The following ZNF804B variants were observed in gnomAD, a reference collection of about 807,000 sequenced individuals.
ZNF804B encodes the protein zinc finger protein 804B, also known as zinc finger 804B.
A neutral mutation model predicts 101.4 loss-of-function variants in ZNF804B; 80 were observed. That is an observed-to-expected ratio of 0.79 (90% CI 0.66 to 0.95). The LOEUF is 0.95. Ranked by LOEUF, ZNF804B falls within the 40% of genes least tolerant of loss-of-function variation. ZNF804B has a pLI of 0.00. For missense variants in ZNF804B, 1,673 were observed against 1,561.9 expected (o/e 1.07, Z -1.20); for synonymous variants, 622 against 558.8 (o/e 1.11, Z -1.59).
chr7:88,803,622 A>G (rs939165040), intron 1 of ZNF804B, among the ~76,000 whole-genome samples: 1 of 152,158 alleles, frequency 6.6e-6, no homozygotes, highest in African/African-American at 2.4e-5. Flanking sequence ...AGTTACTGGG[A>G]GGACTAACAT....
At chr7:88,824,447 C>T (rs1791027002) in intron 1 of ZNF804B, among the ~76,000 whole-genome samples, 1 of 152,152 alleles carries the variant, frequency 6.6e-6, no homozygotes, top group African/African-American at 2.4e-5. Flanking sequence ...GAGACCTCCC[C>T]AGCCATGCAG....
At chr7:89,159,510 A>C (rs1791026916) in intron 1 of ZNF804B, among the ~76,000 whole-genome samples, 1 of 152,168 alleles carries the variant, frequency 6.6e-6, no homozygotes, top group African/African-American at 2.4e-5. Flanking sequence ...AGAAGAGAGC[A>C]GGGAGAATTA....
At chr7:89,329,532 C>G (rs1208994009) in intron 3 of ZNF804B, among the ~76,000 whole-genome samples, 6 of 151,438 alleles carry the variant, frequency 4.0e-5, no homozygotes, top group Non-Finnish European at 5.9e-5. Flanking sequence ...CTTCTGTGAC[C>G]CTTTGGGAGA....
At chr7:89,181,915 C>A (rs149879109) in intron 1 of ZNF804B, among the ~76,000 whole-genome samples, 1 of 152,224 alleles carries the variant, frequency 6.6e-6, no homozygotes, top group East Asian at 1.9e-4. Flanking sequence ...AATTTGTGTG[C>A]TAAGAGCAAC....
intron 1 of ZNF804B, among the ~76,000 whole-genome samples, chr7:89,060,132 C>T (rs1391685332): frequency 6.6e-6 from 1 of 152,076 alleles, no homozygotes; most frequent in African/African-American, 2.4e-5. Context: ...CTATCGGCAT[C>T]CCAGGGTCTC....
chr7:88,993,861 A>G (rs534152585), intron 1 of ZNF804B, among the ~76,000 whole-genome samples: 2 of 152,100 alleles, frequency 1.3e-5, no homozygotes, highest in Non-Finnish European at 2.9e-5. Flanking sequence ...AGGAAAAAAG[A>G]TAGAAAATTT....
intron 1 of ZNF804B, among the ~76,000 whole-genome samples, chr7:89,023,443 C>G (rs912420088): frequency 4.6e-5 from 7 of 152,160 alleles, no homozygotes; most frequent in South Asian, 4.1e-4. Context: ...ATACTTTGCT[C>G]TGTTGGTGGT....
At chr7:88,841,186 G>A (rs1177033024) in intron 1 of ZNF804B, among the ~76,000 whole-genome samples, 1 of 152,146 alleles carries the variant, frequency 6.6e-6, no homozygotes, top group Admixed American at 6.6e-5. Flanking sequence ...ACACATAATA[G>A]GAATGTCATT....
chr7:89,243,676 A>G (rs1021884602), intron 2 of ZNF804B, among the ~76,000 whole-genome samples: 4 of 151,864 alleles, frequency 2.6e-5, no homozygotes, highest in Admixed American at 1.3e-4. Flanking sequence ...TTTCTGAAAT[A>G]TTTTCCAGCG....
intron 1 of ZNF804B, among the ~76,000 whole-genome samples, chr7:88,976,448 A>T (rs140428146): frequency 1.3e-5 from 2 of 151,404 alleles, no homozygotes; most frequent in East Asian, 3.9e-4. Flanking sequence ...TAAATTTTCA[A>T]TGTAGAGATT....
chr7:88,792,164 T>A (rs995663084), intron 1 of ZNF804B, among the ~76,000 whole-genome samples: 2 of 152,046 alleles, frequency 1.3e-5, no homozygotes, highest in Non-Finnish European at 2.9e-5. Flanking sequence ...ACTTCTTTTG[T>A]ATTTTATCGG....
chr7:88,951,740 A>G (rs1793226819), intron 1 of ZNF804B, among the ~76,000 whole-genome samples: 1 of 151,822 alleles, frequency 6.6e-6, no homozygotes, highest in Admixed American at 6.6e-5. Context: ...ACACTCACCA[A>G]TTGCACTGAA....
intron 1 of ZNF804B, among the ~76,000 whole-genome samples, chr7:88,892,317 G>GT (rs1253892376): frequency 6.6e-6 from 1 of 151,862 alleles, no homozygotes; most frequent in Non-Finnish European, 1.5e-5. Context: ...GGGAGTATTT[G>GT]TTTTTTGGGT....
intron 2 of ZNF804B, among the ~76,000 whole-genome samples, chr7:89,282,208 A>T (rs1029732220): frequency 1.3e-5 from 2 of 151,598 alleles, no homozygotes; most frequent in East Asian, 3.9e-4. Context: ...CTAAAAAAAA[A>T]AAAAAAAAAA....
intron 1 of ZNF804B, among the ~76,000 whole-genome samples, chr7:88,970,718 CA>C (rs1240588120): frequency 3.8e-4 from 55 of 145,516 alleles, no homozygotes; most frequent in Non-Finnish European, 7.5e-4. Context: ...ATCGCAAGGA[CA>C]AAAAAACCAA....
chr7:88,920,451 A>T (rs1480051805), intron 1 of ZNF804B, among the ~76,000 whole-genome samples: 2 of 152,064 alleles, frequency 1.3e-5, no homozygotes, highest in Admixed American at 1.3e-4. Context: ...TTTCTTCCAT[A>T]ATGTATTAGA....
intron 1 of ZNF804B, among the ~76,000 whole-genome samples, chr7:88,878,456 T>C (rs987617638): frequency 2.0e-5 from 3 of 152,166 alleles, no homozygotes; most frequent in Non-Finnish European, 4.4e-5. Context: ...TACTCAGTAT[T>C]CTCATCTGTA....
intron 1 of ZNF804B, among the ~76,000 whole-genome samples, chr7:88,819,523 T>C (rs1790941948): frequency 6.6e-6 from 1 of 152,160 alleles, no homozygotes; most frequent in African/African-American, 2.4e-5. Flanking sequence ...CACCTCATGA[T>C]AGATCCCACC....
Position 89,171,414 on chromosome 7 carries a change from T to TCTTCTC in ZNF804B, c.109-46717_109-46712dup, listed in dbSNP as rs369036296. On this transcript the variant is annotated intron_variant, in intron 1 of 3. Transcript: ENST00000333190. The stretch of plus-strand genomic sequence containing the variant: ...TTCTTCCTCTTCTTCTTCTTCTTCT[T>TCTTCTC]CTTCTCCTTCTCCTTCTCCTTCTCC... Among the ~76,000 whole-genome samples the TCTTCTC allele has an allele frequency of 6.2e-4, 61 of 97,628 alleles. 1 individual carries two copies. The highest frequency in any genetic ancestry group is 1.4e-3 in the South Asian group (4 of 2,852). The allele number at this position is 97,628 out of a possible 152,430, so 64.0% of individuals were successfully genotyped here. A position where few individuals can be genotyped will look rare whatever the true frequency, so the allele number is the denominator to read the frequency against.
Sources: gnomAD v4.1 joint callset for allele counts (sites outside exome capture counted in the v4.1 genomes callset) on GRCh38, gnomAD v4.1.1 for gene constraint, MANE v1.5 for transcripts, NCBI Gene and HGNC (gene_info 2026-07-23, HGNC 2026-07-21) for gene names.